Variants in ACACA observed in about 807,000 individuals in gnomAD.
ACACA encodes the protein acetyl-CoA carboxylase alpha.
A neutral mutation model predicts 296.1 loss-of-function variants in ACACA; 103 were observed. The observed-to-expected ratio is 0.35, with a 90% confidence interval of 0.30 to 0.41. ACACA has a LOEUF of 0.41. Among genes scored for constraint, ACACA ranks in the 10% least tolerant of loss-of-function variants. The probability of loss-of-function intolerance (pLI) is 1.00; values close to 1 mark genes in which losing one functional copy is unlikely to be tolerated. For missense variants in ACACA, 1,554 were observed against 2,989.7 expected, an observed-to-expected ratio of 0.52 and a Z score of 11.20; for synonymous variants, 953 against 1,038.6, an observed-to-expected ratio of 0.92 and a Z score of 1.58.
intron 45 of ACACA, 48 bp from the exon 46 acceptor site, chr17:37,130,266 G>A: frequency 6.2e-7 from 1 of 1,609,422 alleles, no homozygotes; most frequent in Non-Finnish European, 8.5e-7. Context: ...TAGAAATAAA[G>A]GCATGGTCGA....
At chr17:37,150,619 T>C (rs2075998298) in intron 44 of ACACA, among the ~76,000 whole-genome samples, 1 of 150,990 alleles carries the variant, frequency 6.6e-6, no homozygotes, top group Non-Finnish European at 1.5e-5. Flanking sequence ...TTGGAGGTGG[T>C]GGCACATGCC....
intron 10 of ACACA, among the ~76,000 whole-genome samples, chr17:37,268,433 C>T (rs2081894269): frequency 6.6e-6 from 1 of 152,160 alleles, no homozygotes; most frequent in South Asian, 2.1e-4. Context: ...TCCAGTTCAC[C>T]CTTTCTCCCA....
intron 45 of ACACA, among the ~76,000 whole-genome samples, chr17:37,145,237 G>T (rs940928664): frequency 5.9e-5 from 9 of 152,310 alleles, no homozygotes; most frequent in African/African-American, 2.2e-4. Context: ...ATAGACTTAA[G>T]AGTTTATGAC....
intron 1 of ACACA, among the ~76,000 whole-genome samples, chr17:37,342,477 A>T (rs1255023487): frequency 7.7e-6 from 1 of 130,306 alleles, no homozygotes; most frequent in Non-Finnish European, 1.6e-5. Context: ...ACACACATAT[A>T]TTTTTAAATA....
chr17:37,337,582 T>C (rs978609676), intron 2 of ACACA, among the ~76,000 whole-genome samples: 2 of 151,940 alleles, frequency 1.3e-5, no homozygotes, highest in African/African-American at 4.8e-5. Context: ...ACCTCCAAAA[T>C]AGCTGGGACT....
At chr17:37,325,223 C>T (rs1335707739) in intron 3 of ACACA, among the ~76,000 whole-genome samples, 3 of 147,820 alleles carry the variant, frequency 2.0e-5, no homozygotes, top group Non-Finnish European at 3.0e-5. Context: ...AAAATTAGTG[C>T]GGCATGGTGG....
chr17:37,087,808 G>A (rs115414580), intron 55 of ACACA, among the ~76,000 whole-genome samples: 2,639 of 152,218 alleles, frequency 0.017, 85 homozygotes, highest in African/African-American at 0.061. Context: ...TAAAAGAATC[G>A]GCAGGAGTGA....
intron 23 of ACACA, 51 bp downstream of exon 23, chr17:37,241,902 G>C (rs1408720562): frequency 1.4e-6 from 2 of 1,433,248 alleles, no homozygotes; most frequent in Admixed American, 3.4e-5. Flanking sequence ...TTGAAAGAAA[G>C]GAAGACATGA....
intron 33 of ACACA, among the ~76,000 whole-genome samples, chr17:37,202,076 T>C (rs1037944210): frequency 1.3e-5 from 2 of 152,132 alleles, no homozygotes; most frequent in African/African-American, 2.4e-5. Context: ...TAACCAAGTA[T>C]TGACACAACA....
intron 1 of ACACA, among the ~76,000 whole-genome samples, chr17:37,353,637 TAAAAAA>T (rs1169088763): frequency 2.5e-4 from 14 of 56,660 alleles, no homozygotes; most frequent in Non-Finnish European, 3.5e-4. Context: ...AGACTCCGTC[TAAAAAA>T]AAAAAAAAAA....
At chr17:37,275,799 TATTA>T in intron 8 of ACACA, 148 bp downstream of exon 8, 2 of 721,234 alleles carry the variant, frequency 2.8e-6, no homozygotes, top group Non-Finnish European at 5.0e-6. Flanking sequence ...ATCACAGGTG[TATTA>T]ATTAAGCTAG....
At chr17:37,214,379 A>T (rs186164338) in intron 29 of ACACA, among the ~76,000 whole-genome samples, 1 of 152,330 alleles carries the variant, frequency 6.6e-6, no homozygotes, top group Non-Finnish European at 1.5e-5. Flanking sequence ...ATTCATTTGC[A>T]GCCCCTCCAA....
intron 1 of ACACA, among the ~76,000 whole-genome samples, chr17:37,399,353 T>C (rs2051205726): frequency 6.6e-6 from 1 of 152,162 alleles, no homozygotes; most frequent in Non-Finnish European, 1.5e-5. Context: ...CATGCTTGCT[T>C]TTTCAATTAT....
chr17:37,236,215 A>AT lies in ACACA; in HGVS notation c.3122-1117dup, dbSNP rs557412246. Among the ~76,000 whole-genome samples, 16 of 152,296 alleles carry AT rather than the reference A, an allele frequency of 1.1e-4. 1 individual carries two copies. In the South Asian group the frequency reaches 3.3e-3, roughly 32 times the overall value. On this transcript the variant is annotated intron_variant, in intron 24 of 55. Transcript: ENST00000616317. ...TAAATATTAGAGATTGACATAAGCA[A>AT]TTTTTTTCCAAATAAAATTATATTT...
At chr17:37,312,450 A>G (rs1315797468) in intron 3 of ACACA, among the ~76,000 whole-genome samples, 1 of 152,178 alleles carries the variant, frequency 6.6e-6, no homozygotes, top group Admixed American at 6.5e-5. Context: ...GAAAATGGAG[A>G]TAATTAACGC....
chr17:37,238,664 C>T (rs972545129), intron 24 of ACACA, among the ~76,000 whole-genome samples: 2 of 152,212 alleles, frequency 1.3e-5, no homozygotes, highest in East Asian at 1.9e-4. Context: ...TAGGAAGAAT[C>T]GGCACCTAAT....
chr17:37,158,472 C>A (rs562665007), intron 42 of ACACA, among the ~76,000 whole-genome samples: 2 of 151,854 alleles, frequency 1.3e-5, no homozygotes, highest in Admixed American at 6.6e-5. Flanking sequence ...TCTACAAAAA[C>A]CAAAATAATT....
At chr17:37,249,642 T>C (rs1057177416) in intron 16 of ACACA, among the ~76,000 whole-genome samples, 1 of 152,224 alleles carries the variant, frequency 6.6e-6, no homozygotes, top group Admixed American at 6.5e-5. Context: ...GAACAAAACA[T>C]ACAGACATTA....
intron 48 of ACACA, among the ~76,000 whole-genome samples, chr17:37,123,293 A>G (rs1052751619): frequency 6.6e-6 from 1 of 152,188 alleles, no homozygotes; most frequent in Non-Finnish European, 1.5e-5. Context: ...TTTTAGTAGT[A>G]ATGCTGGTGA....
Sources: allele counts gnomAD v4.1 joint callset (sites outside exome capture counted in the v4.1 genomes callset), GRCh38; gene constraint gnomAD v4.1.1; transcripts MANE v1.5; gene names NCBI Gene and HGNC (gene_info 2026-07-23, HGNC 2026-07-21).